PELI2: variants seen among roughly 807,000 people sequenced by gnomAD.
PELI2 encodes the protein E3 ubiquitin-protein ligase pellino homolog 2.
PELI2 carries 23 observed loss-of-function variants against 42.3 expected under a neutral mutation model. The ratio of observed to expected loss-of-function variants is 0.54; its 90% confidence interval spans 0.39 to 0.77. The LOEUF is 0.77. Ranked by LOEUF, PELI2 falls within the 30% of genes least tolerant of loss-of-function variation. The pLI is 0.00. For synonymous variants in PELI2, 245 were observed against 212.2 expected (o/e 1.15, Z -1.34); for missense variants, 463 against 553.2 (o/e 0.84, Z 1.64).
intron 5 of PELI2, among the ~76,000 whole-genome samples, chr14:56,294,669 C>T (rs536306303): frequency 2.6e-5 from 4 of 152,330 alleles, no homozygotes; most frequent in African/African-American, 9.6e-5. Flanking sequence ...CATCCATTCC[C>T]ACAGCTTCAC....
At chr14:56,157,426 T>G (rs546470745) in intron 1 of PELI2, among the ~76,000 whole-genome samples, 1 of 152,210 alleles carries the variant, frequency 6.6e-6, no homozygotes, top group Non-Finnish European at 1.5e-5. Context: ...AAAAGTCTTA[T>G]GAAGGGGATG....
chr14:56,169,356 C>T (rs1033010843), intron 1 of PELI2, among the ~76,000 whole-genome samples: 8 of 152,132 alleles, frequency 5.3e-5, no homozygotes, highest in African/African-American at 1.7e-4. Flanking sequence ...GTGAGGTTTG[C>T]GGGGACTCAA....
At chr14:56,171,586 C>T (rs1003619977) in intron 1 of PELI2, among the ~76,000 whole-genome samples, 10 of 152,172 alleles carry the variant, frequency 6.6e-5, no homozygotes, top group Admixed American at 2.0e-4. Context: ...GTGCCAGGTG[C>T]CAGAGATACA....
rs866427907 is a variant in PELI2 at position 56,248,217 on chromosome 14, A to G, written c.208-31459A>G. Among the ~76,000 whole-genome samples, 7 of 152,346 alleles carry G rather than the reference A, an allele frequency of 4.6e-5. No homozygotes were observed. In the South Asian group the frequency reaches 8.3e-4, roughly 18 times the overall value. ...AATTTTCAGCGTCTACCATGCTGCT[A>G]TTATGCAACGAACATGTCATATGAG... On this transcript the variant is annotated intron_variant, in intron 2 of 5. Transcript: ENST00000267460.
At chr14:56,157,531 T>C (rs1306472501) in intron 1 of PELI2, among the ~76,000 whole-genome samples, 6 of 152,088 alleles carry the variant, frequency 3.9e-5, no homozygotes, top group Non-Finnish European at 5.9e-5. Context: ...ATAAAATCAC[T>C]CCCCCCCAAA....
In PELI2 at chr14:56,239,066, T is replaced by C. The variant is rs191305796; in HGVS notation, c.208-40610T>C. The stretch of plus-strand genomic sequence containing the variant: ...TTGATTCTAAATGTTATCACATTTT[T>C]CAGAGAGGCCTTTTTATGCTAATTA... On this transcript the variant is annotated intron_variant, in intron 2 of 5. Coordinates refer to ENST00000267460, the MANE Select transcript of PELI2 (RefSeq NM_021255.3). Among the ~76,000 whole-genome samples, 52 of 152,332 alleles carry C rather than the reference T, an allele frequency of 3.4e-4. 1 individual carries two copies. Among genetic ancestry groups the C allele is most frequent in the Admixed American group, 3.1e-3 (47 of 15,308 alleles).
Position 56,300,234 on chromosome 14 carries a change from A to G in PELI2, c.*3068A>G, listed in dbSNP as rs1890133655. The G allele has an allele frequency of 6.6e-6, 1 of 152,652 alleles. No homozygotes were observed. The highest frequency in any genetic ancestry group is 2.4e-5 in the African/African-American group (1 of 41,448). The allele number at this position is 152,652 out of a possible 1,614,324, so 9.5% of individuals were successfully genotyped here. A position where few individuals can be genotyped will look rare whatever the true frequency, so the allele number is the denominator to read the frequency against. On this transcript the variant is annotated 3_prime_UTR_variant, in exon 6 of 6. Transcript: ENST00000267460. ...TAACTGGTTATAGAATTTCAGGGTT[A>G]GGGTTTAAAGAAAGGAGAAAGCCAT... is the stretch of plus-strand genomic sequence containing the variant.
intron 2 of PELI2, among the ~76,000 whole-genome samples, chr14:56,229,036 A>C (rs1390658605): frequency 3.9e-5 from 6 of 152,250 alleles, no homozygotes; most frequent in African/African-American, 1.4e-4. Flanking sequence ...GCAAGATGGC[A>C]GCAAGGCTCG....
At chr14:56,155,210 T>C (rs1884507821) in intron 1 of PELI2, among the ~76,000 whole-genome samples, 1 of 151,788 alleles carries the variant, frequency 6.6e-6, no homozygotes, top group South Asian at 2.1e-4. Flanking sequence ...GTTTCAGATT[T>C]TTATGTATTC....
At chr14:56,239,602 G>A (rs1429101636) in intron 2 of PELI2, among the ~76,000 whole-genome samples, 1 of 152,144 alleles carries the variant, frequency 6.6e-6, no homozygotes, top group Non-Finnish European at 1.5e-5. Context: ...AGAGCTCTGA[G>A]TGGCAAACAG....
chr14:56,224,010 A>C (rs571015801), intron 2 of PELI2, among the ~76,000 whole-genome samples: 1 of 152,238 alleles, frequency 6.6e-6, no homozygotes, highest in Non-Finnish European at 1.5e-5. Flanking sequence ...CATAGTCTAC[A>C]AAATAGTGGG....
chr14:56,144,403 G>A (rs138090214), intron 1 of PELI2, among the ~76,000 whole-genome samples: 1 of 152,262 alleles, frequency 6.6e-6, no homozygotes, highest in East Asian at 1.9e-4. Flanking sequence ...TCCACAGGTG[G>A]GATTCTTCAG....
At chr14:56,153,477 C>T (rs911476706) in intron 1 of PELI2, among the ~76,000 whole-genome samples, 15 of 152,128 alleles carry the variant, frequency 9.9e-5, no homozygotes, top group South Asian at 2.1e-4. Flanking sequence ...GTGCTGACAA[C>T]TCTATTCTTT....
At chr14:56,169,750 C>A (rs1382315103) in intron 1 of PELI2, among the ~76,000 whole-genome samples, 1 of 152,084 alleles carries the variant, frequency 6.6e-6, no homozygotes, top group Non-Finnish European at 1.5e-5. Flanking sequence ...ATGGGTGGAG[C>A]CTTTAATTCT....
chr14:56,218,189 T>TA (rs1197612755), intron 2 of PELI2, among the ~76,000 whole-genome samples: 1 of 152,212 alleles, frequency 6.6e-6, no homozygotes, highest in Non-Finnish European at 1.5e-5. Flanking sequence ...CCAGATTAGG[T>TA]AGTTGTGATC....
At chr14:56,172,187 C>A (rs948287635) in intron 1 of PELI2, among the ~76,000 whole-genome samples, 2 of 152,076 alleles carry the variant, frequency 1.3e-5, no homozygotes, top group Non-Finnish European at 2.9e-5. Context: ...GCAGTTCTGC[C>A]CCATATGGTA....
At chr14:56,252,132 C>T (rs188441372) in intron 2 of PELI2, among the ~76,000 whole-genome samples, 5 of 152,110 alleles carry the variant, frequency 3.3e-5, no homozygotes, top group Admixed American at 6.5e-5. Flanking sequence ...AGAAATTGTG[C>T]AGTAAGGAGG....
At chr14:56,121,851 A>G (rs1181124393) in intron 1 of PELI2, among the ~76,000 whole-genome samples, 1 of 152,230 alleles carries the variant, frequency 6.6e-6, no homozygotes, top group Non-Finnish European at 1.5e-5. Context: ...GAAACTATTT[A>G]GTTACATATT....
At chr14:56,294,558 A>G (rs892773076) in intron 5 of PELI2, among the ~76,000 whole-genome samples, 3 of 152,148 alleles carry the variant, frequency 2.0e-5, no homozygotes, top group African/African-American at 4.8e-5. Context: ...GGTGCTTCCC[A>G]TACCTCTCTC....
Sources: allele counts gnomAD v4.1 joint callset (sites outside exome capture counted in the v4.1 genomes callset), GRCh38; gene constraint gnomAD v4.1.1; transcripts MANE v1.5; gene names NCBI Gene and HGNC (gene_info 2026-07-23, HGNC 2026-07-21).